Variants in CCDC33 observed in about 807,000 individuals in gnomAD.
The protein encoded by CCDC33 is coiled-coil domain containing 33, also known as coiled-coil domain-containing protein 33.
In CCDC33, 94 loss-of-function variants were observed where a neutral mutation model predicts 91.9. The observed-to-expected ratio is 1.02, with a 90% CI of 0.87 to 1.21. CCDC33 has a LOEUF of 1.21. Ranked by LOEUF, CCDC33 falls within the 50% of genes most tolerant of loss-of-function variation. The pLI, the probability that CCDC33 is intolerant of heterozygous loss-of-function variation, is 0.00. For missense variants in CCDC33, 940 were observed against 935.5 expected, an observed-to-expected ratio of 1.00 and a Z score of -0.06; for synonymous variants, 396 against 374.5, an observed-to-expected ratio of 1.06 and a Z score of -0.66.
intron 1 of CCDC33, chr15:74,208,696 G>T (rs2074317479): frequency 1.2e-5 from 12 of 986,312 alleles, no homozygotes; most frequent in Non-Finnish European, 1.4e-5. Context: ...CTGCCCCTAG[G>T]CTCTGACTCC....
chr15:74,276,755 C>T (rs1205607181), intron 7 of CCDC33, among the ~76,000 whole-genome samples: 2 of 152,208 alleles, frequency 1.3e-5, no homozygotes, highest in Non-Finnish European at 2.9e-5. Context: ...TTCTCCACAC[C>T]CACACTGCCC....
chr15:74,319,226 T>A (rs1364584328), intron 11 of CCDC33, among the ~76,000 whole-genome samples: 1 of 152,136 alleles, frequency 6.6e-6, no homozygotes, highest in East Asian at 1.9e-4. Context: ...CCAACAAGGG[T>A]CATTCCCCAC....
At chr15:74,315,689 G>A (rs2060075617) in intron 11 of CCDC33, among the ~76,000 whole-genome samples, 1 of 152,226 alleles carries the variant, frequency 6.6e-6, no homozygotes, top group Non-Finnish European at 1.5e-5. Context: ...TGCAGAGATG[G>A]GGGAAGGCGA....
At chr15:74,284,112 A>G (rs1566998577) in intron 10 of CCDC33, among the ~76,000 whole-genome samples, 1 of 152,246 alleles carries the variant, frequency 6.6e-6, no homozygotes, top group Admixed American at 6.5e-5. Flanking sequence ...CTAAGTATAA[A>G]GTGCTAATGT....
At chr15:74,263,910 C>T (rs2076096341) in intron 3 of CCDC33, among the ~76,000 whole-genome samples, 1 of 151,796 alleles carries the variant, frequency 6.6e-6, no homozygotes, top group African/African-American at 2.4e-5. Context: ...TGTGTGTATG[C>T]ATGCATGTAT....
intron 16 of CCDC33, 77 bp from the exon 17 acceptor site, chr15:74,333,804 A>C: frequency 5.7e-6 from 7 of 1,237,774 alleles, no homozygotes; most frequent in Non-Finnish European, 8.1e-6. Context: ...TTCTTCCTCA[A>C]TACCTTATGG....
chr15:74,266,767 TAC>T lies in CCDC33; in HGVS notation c.410_411del (p.Tyr137SerfsTer3). 6.2e-7 allele frequency: 1 copy of T among 1,613,908 alleles called. No individual in the cohort carries two copies. The highest frequency in any genetic ancestry group is 8.5e-7 in the Non-Finnish European group (1 of 1,179,780). ...CAAGTACCTGCGTGTCTTCCACCCCTACCACTTTGAGCTGGTGAAGGTGAGTC... is the reference window on the plus strand; with the variant it reads ...CAAGTACCTGCGTGTCTTCCACCCCTCACTTTGAGCTGGTGAAGGTGAGTC... ...PIKYLRVFHP[Y>X]HFELVKPTES... is the part of the protein sequence containing the mutation. On this transcript the variant is annotated frameshift_variant, in exon 4 of 19. Transcript: ENST00000398814. LOFTEE classifies it high-confidence loss of function.
At chr15:74,274,434 C>T (rs961833150) in intron 7 of CCDC33, among the ~76,000 whole-genome samples, 3 of 152,198 alleles carry the variant, frequency 2.0e-5, no homozygotes, top group African/African-American at 7.2e-5. Context: ...GTCTGCCCAC[C>T]AGTGCTTATG....
intron 11 of CCDC33, among the ~76,000 whole-genome samples, chr15:74,306,004 C>T (rs538815487): frequency 2.0e-5 from 3 of 152,214 alleles, no homozygotes; most frequent in South Asian, 2.1e-4. Flanking sequence ...TGTAAAGGGC[C>T]GTCCACTTTG....
intron 2 of CCDC33, among the ~76,000 whole-genome samples, chr15:74,222,838 T>C (rs1032285504): frequency 7.0e-6 from 1 of 143,280 alleles, no homozygotes; most frequent in Non-Finnish European, 1.5e-5. Context: ...CCAGTTCTAG[T>C]TGGAGCTCCA....
At position 74,295,850 on chromosome 15, in the gene CCDC33, T is replaced by TG; in HGVS notation, c.1194dup (p.Ser399ValfsTer27). ...GAAGCTGAGAACCATCCAAGAGTCC[T>TG]GGTCCAAGGACACAGTGAGCTCCAC... is the stretch of plus-strand genomic sequence containing the variant. On this transcript the variant is annotated frameshift_variant, in exon 11 of 19. Transcript: ENST00000398814. LOFTEE classifies it high-confidence loss of function. 4 of 1,614,188 alleles carry TG rather than the reference T, an allele frequency of 2.5e-6. No homozygotes were observed. Among genetic ancestry groups the TG allele is most frequent in the Non-Finnish European group, 3.4e-6 (4 of 1,180,022 alleles).
At chr15:74,271,592 C>T in intron 5 of CCDC33, 111 bp from the exon 6 acceptor site, 1 of 715,398 alleles carries the variant, frequency 1.4e-6, no homozygotes, top group Admixed American at 2.1e-5. Context: ...AGTGTGGAGG[C>T]AGCCATGAGC....
In CCDC33 at chr15:74,331,208, C is replaced by T. The variant is rs371292759; in HGVS notation, c.1683C>T (p.Ile561=). The T allele has an allele frequency of 1.9e-5, 31 of 1,613,998 alleles. No homozygotes were observed. Among genetic ancestry groups the T allele is most frequent in the African/African-American group, 1.9e-4 (14 of 74,914 alleles). ...EETVRHQEKV[I]EKMERVLEDR... is the part of the protein sequence containing the mutation. Reference sequence around the variant, plus strand: ...GCCTCTGCTCTGCTCTCCAGGTGATCGAGAAGATGGAGCGGGTGCTGGAGG... The same window carrying T: ...GCCTCTGCTCTGCTCTCCAGGTGATTGAGAAGATGGAGCGGGTGCTGGAGG... Residue 561 remains isoleucine, a synonymous_variant, in exon 15 of 19, where the codon ATC becomes ATT. Transcript: ENST00000398814.
At chr15:74,217,474 G>A (rs2074475499) in exon 1 of CCDC33, 1 of 1,289,662 alleles carries the variant, frequency 7.8e-7, no homozygotes, top group African/African-American at 1.5e-5. Flanking sequence ...GTGAATGATG[G>A]GGACCCCTTC....
At chr15:74,216,910 T>G (rs1172983108), upstream of CCDC33, among the ~76,000 whole-genome samples, 2 of 152,012 alleles carry the variant, frequency 1.3e-5, no homozygotes, top group Non-Finnish European at 2.9e-5. Context: ...ATTTTCCATA[T>G]TTAGTGTTTA....
chr15:74,269,020 C>T (rs533409783), intron 5 of CCDC33, among the ~76,000 whole-genome samples: 24 of 152,362 alleles, frequency 1.6e-4, no homozygotes, highest in South Asian at 8.3e-4. Context: ...AGAGCCTCTT[C>T]CATTAGCCAG....
chr15:74,249,525 C>T (rs1204051613), intron 2 of CCDC33, among the ~76,000 whole-genome samples: 5 of 151,902 alleles, frequency 3.3e-5, no homozygotes, highest in Non-Finnish European at 7.4e-5. Context: ...CTTGAATAGC[C>T]CCTGAGCTAA....
At chr15:74,217,630 T>C (rs1358894771) in intron 1 of CCDC33, 2 of 1,170,532 alleles carry the variant, frequency 1.7e-6, no homozygotes, top group Non-Finnish European at 2.2e-6. Flanking sequence ...CTGGAACTCC[T>C]GCCTGAGTCC....
intron 2 of CCDC33, among the ~76,000 whole-genome samples, chr15:74,251,599 G>A (rs1051549052): frequency 6.6e-6 from 1 of 151,498 alleles, no homozygotes; most frequent in Non-Finnish European, 1.5e-5. Context: ...TGCTTCCTCT[G>A]TGCATGTGGG....
Sources: allele counts gnomAD v4.1 joint callset (sites outside exome capture counted in the v4.1 genomes callset), GRCh38; gene constraint gnomAD v4.1.1; transcripts MANE v1.5; gene names NCBI Gene and HGNC (gene_info 2026-07-23, HGNC 2026-07-21).